Variants in AGPAT5 observed in about 807,000 individuals in gnomAD.
AGPAT5 encodes the protein 1-acyl-sn-glycerol-3-phosphate acyltransferase epsilon.
A neutral mutation model predicts 45.6 loss-of-function variants in AGPAT5; 46 were observed. That is an observed-to-expected ratio of 1.01 (90% confidence interval 0.80 to 1.29). The LOEUF is 1.29. Ranked by LOEUF, AGPAT5 falls within the 50% of genes most tolerant of loss-of-function variation. AGPAT5 has a pLI of 0.00. For missense variants in AGPAT5, 673 were observed against 450.7 expected, an observed-to-expected ratio of 1.49 and a Z score of -4.47; for synonymous variants, 272 against 167.0, an observed-to-expected ratio of 1.63 and a Z score of -4.85.
Position 6,708,695 on chromosome 8 carries a change from G to C in AGPAT5, c.27G>C (p.Thr9=), listed in dbSNP as rs1213462695. The C allele has an allele frequency of 1.2e-6, 2 of 1,603,608 alleles. No individual in the cohort carries two copies. Among genetic ancestry groups the C allele is most frequent in the Non-Finnish European group, 8.5e-7 (1 of 1,179,322 alleles). The change falls in exon 1 of 8, where the codon ACG becomes ACC. Residue 9 remains threonine, a synonymous_variant. Coordinates refer to ENST00000285518, the MANE Select transcript of AGPAT5 (RefSeq NM_018361.5). ...TGCTGCTGTCCCTGGTGCTCCACAC[G>C]TACTCCATGCGCTACCTGCTGCCCA... The part of the protein sequence containing the change: MLLSLVLH[T]YSMRYLLPSV...
rs187642514 is a variant in AGPAT5, at chr8:6,715,100, G to C, written c.219+6213G>C. Among the ~76,000 whole-genome samples, 64 of 152,228 alleles carry C rather than the reference G, an allele frequency of 4.2e-4. 1 individual carries two copies. In the East Asian group the frequency reaches 0.011, roughly 25 times the overall value. On this transcript the variant is annotated intron_variant, in intron 1 of 7. Transcript: ENST00000285518. The stretch of plus-strand genomic sequence containing the variant: ...TACATTGTTCCAGGTGCTGTCCTGG[G>C]TACCAAGGGGTACAATGTTTGATAG...
chr8:6,744,114 A>C (rs1418998406), intron 5 of AGPAT5, among the ~76,000 whole-genome samples: 1 of 152,136 alleles, frequency 6.6e-6, no homozygotes, highest in Non-Finnish European at 1.5e-5. Context: ...ATAGGATATT[A>C]ATATACTTAA....
intron 1 of AGPAT5, among the ~76,000 whole-genome samples, chr8:6,718,719 A>G (rs1031550697): frequency 6.6e-5 from 10 of 152,190 alleles, no homozygotes; most frequent in Non-Finnish European, 1.2e-4. Flanking sequence ...CTGCCCTTTT[A>G]GCTTCATTTG....
chr8:6,743,244 T>C (rs1464288668), intron 5 of AGPAT5, among the ~76,000 whole-genome samples: 1 of 152,226 alleles, frequency 6.6e-6, no homozygotes, highest in Non-Finnish European at 1.5e-5. Flanking sequence ...ACTTTTTGTT[T>C]CTCATGGTGG....
At chr8:6,746,162 C>T (rs1409796765) in intron 5 of AGPAT5, 1 of 152,176 alleles carries the variant, frequency 6.6e-6, no homozygotes, top group African/African-American at 2.4e-5. Context: ...GGACTACAGA[C>T]ATACACGTGC....
intron 1 of AGPAT5, among the ~76,000 whole-genome samples, chr8:6,716,935 A>G (rs1483911233): frequency 3.3e-5 from 5 of 152,224 alleles, no homozygotes; most frequent in Non-Finnish European, 7.3e-5. Context: ...CTCACTTTTA[A>G]GGGATGGAGA....
intron 6 of AGPAT5, among the ~76,000 whole-genome samples, 197 bp downstream of exon 6, chr8:6,748,025 T>C (rs1801533971): frequency 6.6e-6 from 1 of 152,240 alleles, no homozygotes; most frequent in Non-Finnish European, 1.5e-5. Flanking sequence ...TTCTTGGCTG[T>C]CGTGTGAGTC....
Position 6,730,734 on chromosome 8 carries a change from T to A in AGPAT5, c.313T>A (p.Leu105Met). The part of the protein sequence containing the change: ...STVDWIVADI[L>M]AIRQNALGHV... The stretch of plus-strand genomic sequence containing the variant: ...AGTTGACTGGATTGTTGCTGACATC[T>A]TGGCCATCAGGCAGAATGCGCTAGG... Residue 105 changes from leucine to methionine, a missense_variant, in exon 3 of 8, where the codon TTG (leucine) becomes ATG (methionine). By Grantham distance (15) the Leu-to-Met change is conservative. Transcript: ENST00000285518. 1 of 1,613,386 alleles carries A rather than the reference T, an allele frequency of 6.2e-7. No homozygotes were observed. The highest frequency in any genetic ancestry group is 8.5e-7 in the Non-Finnish European group (1 of 1,179,472).
intron 1 of AGPAT5, among the ~76,000 whole-genome samples, chr8:6,710,455 A>G (rs1426259451): frequency 6.6e-6 from 1 of 152,230 alleles, no homozygotes; most frequent in Non-Finnish European, 1.5e-5. Context: ...GTATAATTCA[A>G]AATTTTGTTT....
chr8:6,718,783 C>G (rs1800410703), intron 1 of AGPAT5, among the ~76,000 whole-genome samples: 1 of 152,210 alleles, frequency 6.6e-6, no homozygotes, highest in South Asian at 2.1e-4. Context: ...GCTAGGCCAC[C>G]TCTCAGGTTA....
chr8:6,716,914 T>G (rs538703255), intron 1 of AGPAT5, among the ~76,000 whole-genome samples: 1 of 152,098 alleles, frequency 6.6e-6, no homozygotes, highest in Non-Finnish European at 1.5e-5. Flanking sequence ...TCTGTGGAAA[T>G]GTATATGAAT....
intron 3 of AGPAT5, among the ~76,000 whole-genome samples, chr8:6,731,698 C>G (rs888161539): frequency 6.6e-6 from 1 of 151,318 alleles, no homozygotes; most frequent in Non-Finnish European, 1.5e-5. Context: ...ATTTGATAGG[C>G]AATTACATTA....
At chr8:6,749,913 C>T (rs368756391) in intron 6 of AGPAT5, among the ~76,000 whole-genome samples, 7 of 152,210 alleles carry the variant, frequency 4.6e-5, no homozygotes, top group Admixed American at 1.3e-4. Flanking sequence ...CGGAGGAATG[C>T]GTTCCAGCCG....
At chr8:6,716,861 A>G (rs185941468) in intron 1 of AGPAT5, among the ~76,000 whole-genome samples, 1 of 152,234 alleles carries the variant, frequency 6.6e-6, no homozygotes. Context: ...AAAACAAAAC[A>G]GAGAGAAAAG....
chr8:6,757,094 C>G, intron 7 of AGPAT5, 69 bp from the exon 8 acceptor site: 4 of 1,202,344 alleles, frequency 3.3e-6, no homozygotes, highest in Non-Finnish European at 4.7e-6. Flanking sequence ...TAATAGCTAC[C>G]TGATTGATAT....
chr8:6,740,734 G>A (rs1801220822), intron 4 of AGPAT5, among the ~76,000 whole-genome samples: 2 of 152,020 alleles, frequency 1.3e-5, no homozygotes, highest in South Asian at 4.1e-4. Flanking sequence ...TCATCCAGAT[G>A]AAGGAAGGCT....
In AGPAT5 at chr8:6,730,776, C is replaced by G. The variant is rs1460772200; in HGVS notation, c.355C>G (p.Leu119Val). ...TGCGCTAGGACATGTGCGCTACGTGCTGAAAGAAGGGTTAAAATGGCTGCC... is the reference window on the plus strand; with the variant it reads ...TGCGCTAGGACATGTGCGCTACGTGGTGAAAGAAGGGTTAAAATGGCTGCC... ...QNALGHVRYVLKEGLKWLPLY... is the reference protein window; with the variant it reads ...QNALGHVRYVVKEGLKWLPLY... Residue 119 changes from leucine (L) to valine (V), a missense_variant, in exon 3 of 8, where the codon CTG (leucine) becomes GTG (valine). Leu to Val is a conservative substitution (Grantham distance 32). Coordinates refer to ENST00000285518, the MANE Select transcript of AGPAT5 (RefSeq NM_018361.5). 2 of 1,613,314 alleles carry G rather than the reference C, an allele frequency of 1.2e-6. No individual in the cohort carries two copies. The highest frequency in any genetic ancestry group is 2.2e-5 in the East Asian group (1 of 44,880).
chr8:6,734,957 C>G (rs1800996940), intron 4 of AGPAT5, among the ~76,000 whole-genome samples: 1 of 152,104 alleles, frequency 6.6e-6, no homozygotes, highest in African/African-American at 2.4e-5. Flanking sequence ...CTTGGAGTGG[C>G]TCTCTTCTTT....
chr8:6,745,613 C>T (rs1008507924), intron 5 of AGPAT5: 2 of 152,016 alleles, frequency 1.3e-5, no homozygotes, highest in Non-Finnish European at 2.9e-5. Flanking sequence ...TAAATATCAC[C>T]TCCTCTTCCT....
Sources: gnomAD v4.1 joint callset for allele counts (sites outside exome capture counted in the v4.1 genomes callset) on GRCh38, gnomAD v4.1.1 for gene constraint, MANE v1.5 for transcripts, NCBI Gene and HGNC (gene_info 2026-07-23, HGNC 2026-07-21) for gene names.